Variants in PRELID2 observed in about 807,000 individuals in gnomAD.
PRELID2 encodes PRELI domain-containing protein 2.
A neutral mutation model predicts 28.4 loss-of-function variants in PRELID2; 25 were observed. That is an observed-to-expected ratio of 0.88 (90% CI 0.64 to 1.23). The LOEUF (loss-of-function observed/expected upper bound fraction) is 1.23. PRELID2 is among the 50% of genes most tolerant of loss of function. PRELID2 has a pLI of 0.00. For missense variants in PRELID2, 201 were observed against 214.4 expected, an observed-to-expected ratio of 0.94 and a Z score of 0.39; for synonymous variants, 76 against 71.6, an observed-to-expected ratio of 1.06 and a Z score of -0.31.
At chr5:145,275,070 T>C in the PRELID2 span, among the ~76,000 whole-genome samples, 5 of 152,126 alleles carry the variant, frequency 3.3e-5, no homozygotes, top group Non-Finnish European at 5.9e-5. Flanking sequence ...CATAACCTCA[T>C]TTTACCTTAA....
At chr5:145,352,572 T>TCCA in the PRELID2 span, among the ~76,000 whole-genome samples, 14 of 152,230 alleles carry the variant, frequency 9.2e-5, no homozygotes, top group Non-Finnish European at 1.5e-4. Context: ...TGGAGGTTTC[T>TCCA]GACATGGCCT....
the PRELID2 span, among the ~76,000 whole-genome samples, chr5:145,463,870 C>A: frequency 6.6e-6 from 1 of 152,092 alleles, no homozygotes; most frequent in Non-Finnish European, 1.5e-5. Context: ...ATACTCTAAG[C>A]CTGATTCAGA....
chr5:145,465,573 G>A, the PRELID2 span, among the ~76,000 whole-genome samples: 4 of 151,974 alleles, frequency 2.6e-5, no homozygotes, highest in South Asian at 2.1e-4. Context: ...ATGTGACCCC[G>A]GGGCAAGCTA....
At chr5:145,476,999 T>C (rs1561490497) in intron 1 of PRELID2, among the ~76,000 whole-genome samples, 1 of 152,228 alleles carries the variant, frequency 6.6e-6, no homozygotes, top group Admixed American at 6.5e-5. Context: ...CATTAGAATT[T>C]GTATTCAATG....
the PRELID2 span, among the ~76,000 whole-genome samples, chr5:145,327,707 G>A: frequency 6.6e-6 from 1 of 151,748 alleles, no homozygotes; most frequent in Non-Finnish European, 1.5e-5. Context: ...GTCTTCCTTT[G>A]TGACTTTATA....
chr5:145,579,553 ATG>A (rs1371966457), intron 1 of PRELID2, among the ~76,000 whole-genome samples: 1 of 152,126 alleles, frequency 6.6e-6, no homozygotes, highest in East Asian at 1.9e-4. Context: ...TAATTTAACT[ATG>A]TGGCCTGCAT....
intron 1 of PRELID2, among the ~76,000 whole-genome samples, chr5:145,631,386 C>G (rs985075040): frequency 1.6e-4 from 24 of 152,144 alleles, no homozygotes; most frequent in African/African-American, 5.6e-4. Flanking sequence ...TGTCTCACTC[C>G]CAGTTATAAG....
chr5:145,240,788 T>C, the PRELID2 span, among the ~76,000 whole-genome samples: 1 of 152,046 alleles, frequency 6.6e-6, no homozygotes, highest in African/African-American at 2.4e-5. Flanking sequence ...GGTGTTATGA[T>C]CTTATAAGCT....
At chr5:145,240,242 C>CT in the PRELID2 span, among the ~76,000 whole-genome samples, 1 of 151,750 alleles carries the variant, frequency 6.6e-6, no homozygotes, top group Admixed American at 6.6e-5. Flanking sequence ...TTATTGCTTT[C>CT]TTTTTTTCAT....
chr5:145,826,956 A>T (rs1755235336), intron 1 of PRELID2, among the ~76,000 whole-genome samples: 3 of 152,210 alleles, frequency 2.0e-5, no homozygotes. Flanking sequence ...TTTTTTAATA[A>T]CATTTGCTTC....
rs1471894818 is a variant in PRELID2 at position 145,740,227 on chromosome 5, G to A, written n.70+24704C>T. Reference sequence around the variant, plus strand: ...AGATTTAGTGCAAAGAAAAGTACTAGGGATAGAGTCATTATATAATAATGA... The same window carrying A: ...AGATTTAGTGCAAAGAAAAGTACTAAGGATAGAGTCATTATATAATAATGA... On this transcript the variant is annotated intron_variant and non_coding_transcript_variant, in intron 1 of 2. Transcript: ENST00000510259. Among the ~76,000 whole-genome samples, 27 of 127,694 alleles carry A rather than the reference G, an allele frequency of 2.1e-4. No individual in the cohort carries two copies. The Admixed American group carries it at 2.4e-3, about 11-fold the overall frequency. The allele number at this position is 127,694 out of a possible 152,430, so 83.8% of individuals were successfully genotyped here.
At chr5:145,558,915 A>G (rs764042847) in intron 1 of PRELID2, among the ~76,000 whole-genome samples, 1 of 152,224 alleles carries the variant, frequency 6.6e-6, no homozygotes, top group Non-Finnish European at 1.5e-5. Flanking sequence ...CTAAGAATCT[A>G]TTCTATAAAA....
At chr5:145,823,156 A>G (rs748521732) in intron 1 of PRELID2, 22 bp from the exon 2 acceptor site, 49 of 1,161,016 alleles carry the variant, frequency 4.2e-5, no homozygotes, top group Non-Finnish European at 4.4e-5. Context: ...TATATAAAAA[A>G]GAATTACCAT....
At chr5:145,628,347 G>A (rs111303500) in intron 1 of PRELID2, among the ~76,000 whole-genome samples, 62 of 151,848 alleles carry the variant, frequency 4.1e-4, no homozygotes, top group African/African-American at 1.3e-3. Flanking sequence ...TTTTTTAGAC[G>A]GATTCTCACT....
At chr5:145,413,555 T>C in the PRELID2 span, among the ~76,000 whole-genome samples, 2 of 151,178 alleles carry the variant, frequency 1.3e-5, no homozygotes, top group African/African-American at 4.9e-5. Flanking sequence ...AATTTGTAAC[T>C]GGAAAAATAT....
intron 1 of PRELID2, among the ~76,000 whole-genome samples, chr5:145,725,064 G>A (rs1305999118): frequency 3.9e-5 from 6 of 151,936 alleles, no homozygotes; most frequent in South Asian, 2.1e-4. Context: ...TTTAAATGTG[G>A]ATCTCTGTTT....
chr5:145,440,285 G>A, the PRELID2 span, among the ~76,000 whole-genome samples: 8 of 152,168 alleles, frequency 5.3e-5, no homozygotes, highest in African/African-American at 9.6e-5. Context: ...TTGAACCATC[G>A]CAAACAGAAA....
At chr5:145,648,484 A>G (rs2149668996) in intron 1 of PRELID2, among the ~76,000 whole-genome samples, 1 of 151,694 alleles carries the variant, frequency 6.6e-6, no homozygotes, top group Admixed American at 6.6e-5. Flanking sequence ...GAAGGAGATT[A>G]TAAGGATTGA....
chr5:145,480,376 T>C (rs1208200420), intron 1 of PRELID2, among the ~76,000 whole-genome samples: 6 of 152,162 alleles, frequency 3.9e-5, no homozygotes, highest in Non-Finnish European at 8.8e-5. Context: ...TGCTTGCTTA[T>C]TGGGTAACAA....
Sources: gnomAD v4.1 joint callset for allele counts (sites outside exome capture counted in the v4.1 genomes callset) on GRCh38, gnomAD v4.1.1 for gene constraint, MANE v1.5 for transcripts, NCBI Gene and HGNC (gene_info 2026-07-23, HGNC 2026-07-21) for gene names.